Variants in ZNF385D observed in about 807,000 individuals in gnomAD.
The protein encoded by ZNF385D is zinc finger protein 659.
In ZNF385D, 15 loss-of-function variants were observed where a neutral mutation model predicts 35.8. The ratio of observed to expected loss-of-function variants is 0.42; its 90% CI spans 0.28 to 0.64. ZNF385D has a LOEUF of 0.64. ZNF385D is among the 30% of genes least tolerant of loss of function. The pLI is 0.23. For synonymous variants in ZNF385D, 212 were observed against 186.8 expected, an observed-to-expected ratio of 1.13 and a Z score of -1.10; for missense variants, 474 against 494.6, an observed-to-expected ratio of 0.96 and a Z score of 0.39.
At chr3:21,890,491 C>A (rs555720304) in intron 3 of ZNF385D, among the ~76,000 whole-genome samples, 1 of 151,996 alleles carries the variant, frequency 6.6e-6, no homozygotes, top group Non-Finnish European at 1.5e-5. Flanking sequence ...TGGTGGCAGG[C>A]CCCTGTAATC....
rs1267767329 is a variant in ZNF385D, at chr3:21,455,900, AC to A, written c.440-18698del. Among the ~76,000 whole-genome samples, 185 of 152,164 alleles carry A rather than the reference AC, an allele frequency of 1.2e-3. 1 individual carries two copies. Among genetic ancestry groups the A allele is most frequent in the Middle Eastern group, 6.8e-3 (2 of 294 alleles). On this transcript the variant is annotated intron_variant, in intron 4 of 7. Transcript: ENST00000281523. ...ACTCAAACAAATTTACAAGAAAAAA[AC>A]AACCCCATCAAAAAGTGAGCGAAGG... is the stretch of plus-strand genomic sequence containing the variant.
intron 1 of ZNF385D, among the ~76,000 whole-genome samples, chr3:21,670,647 GGCGCCCC>G (rs2066540838): frequency 6.3e-5 from 1 of 15,756 alleles, no homozygotes. Context: ...GAAATCCTAA[GGCGCCCC>G]CCCCCCCCCC....
At chr3:21,879,712 G>A (rs554816143) in intron 3 of ZNF385D, among the ~76,000 whole-genome samples, 18 of 152,122 alleles carry the variant, frequency 1.2e-4, no homozygotes, top group Admixed American at 3.3e-4. Context: ...GCCGCTAGGC[G>A]CTTCATTGAA....
At chr3:22,355,605 T>C (rs1453333562) in intron 2 of ZNF385D, among the ~76,000 whole-genome samples, 1 of 151,482 alleles carries the variant, frequency 6.6e-6, no homozygotes, top group African/African-American at 2.4e-5. Flanking sequence ...TTCCAAGAAA[T>C]AAAGGAAGAA....
intron 3 of ZNF385D, among the ~76,000 whole-genome samples, chr3:21,525,014 A>T (rs1234177870): frequency 6.6e-6 from 1 of 152,218 alleles, no homozygotes; most frequent in Non-Finnish European, 1.5e-5. Context: ...ACATGATCTT[A>T]CTTTTGAATG....
intron 3 of ZNF385D, among the ~76,000 whole-genome samples, chr3:21,972,062 T>A (rs184079466): frequency 1.1e-3 from 164 of 151,916 alleles, no homozygotes; most frequent in Middle Eastern, 3.4e-3. Flanking sequence ...AGACAGAAAA[T>A]CAACAAAGAA....
chr3:21,865,313 G>A (rs1373995873), intron 3 of ZNF385D, among the ~76,000 whole-genome samples: 1 of 151,804 alleles, frequency 6.6e-6, no homozygotes, highest in Admixed American at 6.6e-5. Context: ...TGCTAGTTTT[G>A]TTTAGAATTT....
chr3:21,778,532 G>C (rs532381562), intron 3 of ZNF385D, among the ~76,000 whole-genome samples: 1 of 151,760 alleles, frequency 6.6e-6, no homozygotes, highest in South Asian at 2.1e-4. Context: ...AAAATTCAGA[G>C]AAACAATTCT....
At chr3:21,968,784 G>A (rs1237172830) in intron 3 of ZNF385D, among the ~76,000 whole-genome samples, 1 of 152,152 alleles carries the variant, frequency 6.6e-6, no homozygotes, top group African/African-American at 2.4e-5. Context: ...GTGTGACCCA[G>A]CACATTCCAA....
intron 2 of ZNF385D, among the ~76,000 whole-genome samples, chr3:22,338,272 A>T (rs1214717109): frequency 2.6e-5 from 4 of 152,210 alleles, no homozygotes; most frequent in Admixed American, 2.6e-4. Context: ...ACCAAGTAAT[A>T]TGTTGACAAC....
rs370645583 is a variant in ZNF385D at position 22,233,379 on chromosome 3, T to C, written c.107-64344A>G. Among the ~76,000 whole-genome samples, 6 of 152,092 alleles carry C rather than the reference T, an allele frequency of 3.9e-5. No individual in the cohort carries two copies. The East Asian group carries it at 1.2e-3, about 29-fold the overall frequency. ...AAATTATAGAAAAGAAAATCCAATCTGTAATGAAAGAAAGCAGATCAGTGG... is the reference window on the plus strand; with the variant it reads ...AAATTATAGAAAAGAAAATCCAATCCGTAATGAAAGAAAGCAGATCAGTGG... On this transcript the variant is annotated intron_variant, in intron 2 of 5. Transcript: ENST00000494108.
intron 3 of ZNF385D, among the ~76,000 whole-genome samples, chr3:21,901,429 C>T (rs534590066): frequency 6.9e-4 from 105 of 152,240 alleles, no homozygotes; most frequent in African/African-American, 2.4e-3. Context: ...TCAAAAAGTA[C>T]ATTAAACAGC....
At chr3:22,102,673 G>A (rs1197171473) in intron 3 of ZNF385D, among the ~76,000 whole-genome samples, 1 of 151,970 alleles carries the variant, frequency 6.6e-6, no homozygotes. Context: ...TAAAGAAAAA[G>A]AATAAAGGCC....
intron 3 of ZNF385D, among the ~76,000 whole-genome samples, chr3:21,781,610 A>G (rs2071491880): frequency 6.6e-6 from 1 of 152,036 alleles, no homozygotes; most frequent in Admixed American, 6.6e-5. Flanking sequence ...CTCTAATAAT[A>G]CCTCATATAA....
Position 21,421,125 on chromosome 3 carries a change from T to C in ZNF385D, c.*89A>G. On this transcript the variant is annotated 3_prime_UTR_variant, in exon 8 of 8. Transcript: ENST00000281523. Reference sequence around the variant, plus strand: ...CTGGCTCTTCAGATATACTTTAAACTATAAATAAACACTGCATAGTTCTCT... The same window carrying C: ...CTGGCTCTTCAGATATACTTTAAACCATAAATAAACACTGCATAGTTCTCT... 3.6e-6 allele frequency: 3 copies of C among 838,866 alleles called. No homozygotes were observed. The allele number at this position is 838,866 out of a possible 1,614,324, so 52.0% of individuals were successfully genotyped here.
At chr3:22,091,051 C>A (rs1344692694) in intron 3 of ZNF385D, among the ~76,000 whole-genome samples, 1 of 152,068 alleles carries the variant, frequency 6.6e-6, no homozygotes, top group African/African-American at 2.4e-5. Flanking sequence ...GGAGTGGATT[C>A]AACAGGTGTT....
chr3:21,889,153 A>G (rs1197016775), intron 3 of ZNF385D, among the ~76,000 whole-genome samples: 6 of 152,226 alleles, frequency 3.9e-5, no homozygotes, highest in Non-Finnish European at 8.8e-5. Flanking sequence ...AGAAGCAACT[A>G]GCTGAGGCTG....
intron 3 of ZNF385D, among the ~76,000 whole-genome samples, chr3:21,910,768 A>G (rs1699923681): frequency 6.6e-6 from 1 of 151,812 alleles, no homozygotes; most frequent in African/African-American, 2.4e-5. Flanking sequence ...GACGGAATAC[A>G]AAGAATACTA....
chr3:22,180,767 G>A (rs1490445914), intron 2 of ZNF385D, among the ~76,000 whole-genome samples: 1 of 152,062 alleles, frequency 6.6e-6, no homozygotes, highest in African/African-American at 2.4e-5. Flanking sequence ...AATAAATTAG[G>A]TATTGATGGG....
Sources: allele counts gnomAD v4.1 joint callset (sites outside exome capture counted in the v4.1 genomes callset), GRCh38; gene constraint gnomAD v4.1.1; transcripts MANE v1.5; gene names NCBI Gene and HGNC (gene_info 2026-07-23, HGNC 2026-07-21).